Variants in DSCAML1 observed in about 807,000 individuals in gnomAD.
DSCAML1 encodes DS cell adhesion molecule like 1, also known as cell adhesion molecule DSCAML1.
In DSCAML1, 38 loss-of-function variants were observed where a neutral mutation model predicts 200.5. The observed-to-expected ratio is 0.19, with a 90% confidence interval of 0.15 to 0.25. DSCAML1 has a LOEUF of 0.25. DSCAML1 is among the 10% of genes least tolerant of loss of function. DSCAML1 has a pLI of 1.00. For synonymous variants in DSCAML1, 1,215 were observed against 1,165.0 expected (o/e 1.04, Z -0.87); for missense variants, 2,223 against 2,858.8 (o/e 0.78, Z 5.07).
upstream of DSCAML1, chr11:117,797,302 G>A (rs970387212): frequency 6.7e-5 from 88 of 1,319,318 alleles, no homozygotes; most frequent in Non-Finnish European, 8.2e-5. Context: ...GCCCCCCCGC[G>A]GCACCCCGGG....
intron 11 of DSCAML1, among the ~76,000 whole-genome samples, chr11:117,502,496 T>C (rs576818445): frequency 1.2e-4 from 18 of 152,280 alleles, no homozygotes; most frequent in Admixed American, 7.8e-4. Flanking sequence ...TTTTTGATAG[T>C]GTGAGGGAAG....
chr11:117,653,296 C>A (rs1365379689), intron 3 of DSCAML1, among the ~76,000 whole-genome samples: 1 of 152,142 alleles, frequency 6.6e-6, no homozygotes, highest in African/African-American at 2.4e-5. Context: ...GAAGTGGATC[C>A]AGTATTCTGG....
chr11:117,728,898 G>C (rs943203379), intron 3 of DSCAML1, among the ~76,000 whole-genome samples: 1 of 152,206 alleles, frequency 6.6e-6, no homozygotes, highest in Non-Finnish European at 1.5e-5. Flanking sequence ...CAGAATTCCA[G>C]CTGGTTTCCA....
chr11:117,691,967 T>A (rs1487629738), intron 3 of DSCAML1, among the ~76,000 whole-genome samples: 2 of 152,106 alleles, frequency 1.3e-5, no homozygotes, highest in South Asian at 2.1e-4. Context: ...ACTTTTTTTT[T>A]AAGCTGTGAG....
At chr11:117,806,116 CTGTT>C (rs1301487813) in intron 1 of DSCAML1, among the ~76,000 whole-genome samples, 9 of 152,200 alleles carry the variant, frequency 5.9e-5, no homozygotes, top group Admixed American at 5.9e-4. Context: ...TCTTTGATGA[CTGTT>C]TGTCGAATGA....
Position 117,437,109 on chromosome 11 carries a change from C to G in DSCAML1, c.4720+13G>C, listed in dbSNP as rs775325584. ...CCAGCCTCTGTACCATCCCTTCCAC[C>G]CTTGCGACTCACTGCCATCGTAGTC... On this transcript the variant is annotated intron_variant, in intron 26 of 32. Coordinates refer to ENST00000651296, the MANE Select transcript of DSCAML1 (RefSeq NM_020693.4). This position sits in a 1 kb window ranked among gnomAD's most constrained non-coding sequence, Gnocchi z 5.3. 6 of 1,608,084 alleles carry G rather than the reference C, an allele frequency of 3.7e-6. No individual in the cohort carries two copies. In the East Asian group the frequency reaches 1.3e-4, roughly 36 times the overall value.
chr11:117,670,399 T>C (rs2053080001), intron 3 of DSCAML1, among the ~76,000 whole-genome samples: 1 of 151,972 alleles, frequency 6.6e-6, no homozygotes, highest in East Asian at 1.9e-4. Flanking sequence ...CGAATACTTA[T>C]TATGTGCAAG....
At chr11:117,443,587 G>A (rs1194138702) in intron 21 of DSCAML1, among the ~76,000 whole-genome samples, 2 of 152,232 alleles carry the variant, frequency 1.3e-5, no homozygotes, top group African/African-American at 2.4e-5. Flanking sequence ...TTGAATTGGG[G>A]GTAGAGGCGA....
At chr11:117,639,989 C>T (rs1024310181) in intron 3 of DSCAML1, among the ~76,000 whole-genome samples, 5 of 152,164 alleles carry the variant, frequency 3.3e-5, no homozygotes, top group Non-Finnish European at 7.3e-5. Flanking sequence ...AGTGAGCAGA[C>T]TTGTGTGGGT....
At chr11:117,582,562 G>A (rs1448779467) in intron 3 of DSCAML1, among the ~76,000 whole-genome samples, 1 of 152,202 alleles carries the variant, frequency 6.6e-6, no homozygotes, top group Non-Finnish European at 1.5e-5. Context: ...AGGATGCCTG[G>A]GTAAGCATGG....
chr11:117,463,989 T>C lies in DSCAML1; in HGVS notation c.3265+953A>G, dbSNP rs2048530880. The stretch of plus-strand genomic sequence containing the variant: ...CCTAATGTGTCCACCATCCCCAGGG[T>C]GCTGCATTTTCAGAGAGGATGAGCT... On this transcript the variant is annotated intron_variant, in intron 17 of 32. Coordinates refer to ENST00000651296, the MANE Select transcript of DSCAML1 (RefSeq NM_020693.4). This position sits in a 1 kb window ranked among gnomAD's most constrained non-coding sequence, Gnocchi z 4.0. 6.6e-6 allele frequency among the ~76,000 whole-genome samples: 1 copy of C among 152,194 alleles called. No homozygotes were observed. The highest frequency in any genetic ancestry group is 2.4e-5 in the African/African-American group (1 of 41,440).
chr11:117,443,812 C>G, intron 21 of DSCAML1, 74 bp downstream of exon 21: 1 of 1,512,132 alleles, frequency 6.6e-7, no homozygotes, highest in South Asian at 1.3e-5. Context: ...GAGACCCTGT[C>G]TGGGGAGAAC....
At chr11:117,714,926 G>C (rs4359247) in intron 3 of DSCAML1, among the ~76,000 whole-genome samples, 144,276 of 151,376 alleles carry the variant, frequency 0.95, 68,927 homozygotes, top group South Asian at 0.99. Flanking sequence ...CCGTCCAAGT[G>C]TCCTTCTATT....
intron 5 of DSCAML1, among the ~76,000 whole-genome samples, chr11:117,523,107 G>A (rs531290958): frequency 7.9e-5 from 12 of 152,296 alleles, no homozygotes; most frequent in East Asian, 7.7e-4. Context: ...GTGTGCATGC[G>A]TACTTGGGGA....
At chr11:117,767,550 A>C (rs1235223717) in intron 3 of DSCAML1, among the ~76,000 whole-genome samples, 1 of 152,216 alleles carries the variant, frequency 6.6e-6, no homozygotes, top group Non-Finnish European at 1.5e-5. Context: ...CACTTCAAGG[A>C]AGAATACAAG....
At chr11:117,447,694 G>C (rs1042951213) in intron 20 of DSCAML1, among the ~76,000 whole-genome samples, 2 of 152,200 alleles carry the variant, frequency 1.3e-5, no homozygotes, top group African/African-American at 4.8e-5. Context: ...GCCATACACA[G>C]TCTTTTCTGA....
chr11:117,486,223 T>C (rs940999171), intron 11 of DSCAML1, among the ~76,000 whole-genome samples: 2 of 150,614 alleles, frequency 1.3e-5, no homozygotes, highest in South Asian at 2.1e-4. Flanking sequence ...AAATGGCGGA[T>C]GGGAAAGTGG....
chr11:117,483,716 G>A (rs981722696), intron 11 of DSCAML1, among the ~76,000 whole-genome samples: 5 of 152,182 alleles, frequency 3.3e-5, no homozygotes, highest in East Asian at 1.9e-4. Flanking sequence ...AGACATAGGC[G>A]GGGCAGGTCC....
chr11:117,435,533 G>A, intron 27 of DSCAML1, 111 bp downstream of exon 27: 5 of 1,303,430 alleles, frequency 3.8e-6, no homozygotes, highest in Middle Eastern at 2.8e-4. Context: ...CCTTCAAGGG[G>A]ACACAGGCAC....
Sources: allele counts gnomAD v4.1 joint callset (sites outside exome capture counted in the v4.1 genomes callset), GRCh38; gene constraint gnomAD v4.1.1; non-coding constraint Gnocchi (gnomAD v3.1); transcripts MANE v1.5; gene names NCBI Gene and HGNC (gene_info 2026-07-23, HGNC 2026-07-21).